Variants in NTRK3 observed in about 807,000 individuals in gnomAD.
The protein encoded by NTRK3 is NT-3 growth factor receptor.
NTRK3 carries 24 observed loss-of-function variants against 91.7 expected under a neutral mutation model. That is an observed-to-expected ratio of 0.26 (90% confidence interval 0.19 to 0.37). The LOEUF (loss-of-function observed/expected upper bound fraction) is 0.37, where lower values mean the gene tolerates loss of function less well. Ranked by LOEUF, NTRK3 falls within the 10% of genes least tolerant of loss-of-function variation. NTRK3 has a pLI of 1.00. For missense variants in NTRK3, 880 were observed against 1,068.9 expected (o/e 0.82, Z 2.46); for synonymous variants, 483 against 404.0 (o/e 1.20, Z -2.34).
chr15:88,238,112 C>T (rs576566078), intron 3 of NTRK3, among the ~76,000 whole-genome samples: 13 of 152,086 alleles, frequency 8.5e-5, no homozygotes, highest in African/African-American at 2.9e-4. Context: ...AGAAGGCGAC[C>T]GTCTGCAAGC....
chr15:87,862,252 C>A (rs1596025629), exon 19 of NTRK3: 1 of 223,746 alleles, frequency 4.5e-6, no homozygotes, highest in East Asian at 6.5e-5. Flanking sequence ...ACATCTTAGA[C>A]CCACTCCCAA....
intron 13 of NTRK3, among the ~76,000 whole-genome samples, chr15:88,081,687 G>A (rs62022271): frequency 0.016 from 2,433 of 152,270 alleles, 40 homozygotes; most frequent in Middle Eastern, 0.041. Context: ...TCAAAATGGC[G>A]CAGAGAGGGG....
At chr15:87,965,232 T>C (rs1177330904) in intron 14 of NTRK3, among the ~76,000 whole-genome samples, 1 of 152,274 alleles carries the variant, frequency 6.6e-6, no homozygotes, top group Non-Finnish European at 1.5e-5. Context: ...TGTGCTTTTC[T>C]GTATTTCACT....
chr15:88,236,437 C>T (rs544522509), intron 3 of NTRK3, among the ~76,000 whole-genome samples: 66 of 143,456 alleles, frequency 4.6e-4, no homozygotes, highest in African/African-American at 1.3e-3. Flanking sequence ...CTTTGGGAGA[C>T]TGAGTCAGGA....
At chr15:88,125,481 A>T (rs1198455120) in intron 13 of NTRK3, among the ~76,000 whole-genome samples, 2 of 76,378 alleles carry the variant, frequency 2.6e-5, no homozygotes, top group East Asian at 4.3e-4. Flanking sequence ...CTCCCTACCC[A>T]CCCCCACCCA....
intron 14 of NTRK3, chr15:87,978,318 C>T (rs755945313): frequency 4.3e-6 from 1 of 230,252 alleles, no homozygotes; most frequent in Non-Finnish European, 8.6e-6. Flanking sequence ...AGGACACTTC[C>T]ATTGGTGCCA....
intron 13 of NTRK3, among the ~76,000 whole-genome samples, chr15:88,098,373 C>A (rs2049836169): frequency 1.3e-5 from 2 of 152,228 alleles, no homozygotes; most frequent in African/African-American, 4.8e-5. Flanking sequence ...CTGGACTACG[C>A]ATGCCATCAG....
chr15:88,192,238 C>G (rs183037090), intron 3 of NTRK3, among the ~76,000 whole-genome samples: 1 of 152,220 alleles, frequency 6.6e-6, no homozygotes, highest in Non-Finnish European at 1.5e-5. Context: ...CACATCTTCA[C>G]TGCTACCCCA....
chr15:88,161,750 G>C (rs1292049841), intron 5 of NTRK3, among the ~76,000 whole-genome samples: 1 of 152,140 alleles, frequency 6.6e-6, no homozygotes, highest in Admixed American at 6.5e-5. Context: ...GAGCATCCTA[G>C]AGCCCCTCTC....
At chr15:88,062,447 G>A (rs1006198900) in intron 13 of NTRK3, among the ~76,000 whole-genome samples, 7 of 152,128 alleles carry the variant, frequency 4.6e-5, no homozygotes, top group Non-Finnish European at 7.4e-5. Flanking sequence ...AGAAGTCTTG[G>A]CTAGTAATTC....
intron 5 of NTRK3, among the ~76,000 whole-genome samples, chr15:88,170,662 C>T (rs150689614): frequency 1.1e-4 from 17 of 152,286 alleles, no homozygotes; most frequent in Middle Eastern, 3.4e-3. Flanking sequence ...ATGTTGACCA[C>T]GACCAGGGCA....
chr15:88,172,834 G>A (rs898739452), intron 5 of NTRK3, among the ~76,000 whole-genome samples: 9 of 152,132 alleles, frequency 5.9e-5, no homozygotes, highest in African/African-American at 2.2e-4. Context: ...ACAGACACAA[G>A]CAGACAAGAA....
intron 13 of NTRK3, among the ~76,000 whole-genome samples, chr15:88,114,285 C>CA (rs1443594194): frequency 6.6e-6 from 1 of 152,008 alleles, no homozygotes; most frequent in African/African-American, 2.4e-5. Context: ...CAGAAGACAT[C>CA]AAAAAAGATG....
intron 3 of NTRK3, among the ~76,000 whole-genome samples, chr15:88,186,371 C>T (rs187811177): frequency 6.4e-4 from 98 of 152,330 alleles, no homozygotes; most frequent in Admixed American, 1.3e-3. Context: ...TGCCCACAAA[C>T]GGACCCTTCC....
Position 87,991,356 on chromosome 15 carries a change from A to G in NTRK3, c.1585+41501T>C, listed in dbSNP as rs1006887937. On this transcript the variant is annotated intron_variant, in intron 14 of 18. Coordinates refer to ENST00000394480, the Ensembl canonical transcript of NTRK3. ...CTACCGGATTGGGATCTGCATTTTA[A>G]CAGAATCCTCAGATGATTTCTATGC... 2.0e-5 allele frequency among the ~76,000 whole-genome samples: 3 copies of G among 152,184 alleles called. 1 individual carries two copies. The South Asian group carries it at 6.2e-4, about 31-fold the overall frequency.
chr15:87,886,848 G>A (rs2065585816), intron 17 of NTRK3, among the ~76,000 whole-genome samples: 1 of 148,440 alleles, frequency 6.7e-6, no homozygotes. Flanking sequence ...GCGAATATAA[G>A]GAAACCAGTG....
intron 3 of NTRK3, among the ~76,000 whole-genome samples, chr15:88,249,310 G>A (rs2053137025): frequency 6.6e-5 from 10 of 152,224 alleles, no homozygotes; most frequent in Admixed American, 6.5e-4. Context: ...GCTGCAAGCT[G>A]CAAAGAGCTC....
chr15:88,037,766 G>A (rs752697277), intron 13 of NTRK3, among the ~76,000 whole-genome samples: 1 of 152,220 alleles, frequency 6.6e-6, no homozygotes. Flanking sequence ...GAGAAATGCT[G>A]ATGATTGTAA....
At chr15:88,225,645 G>A (rs1178886391) in intron 3 of NTRK3, among the ~76,000 whole-genome samples, 2 of 152,160 alleles carry the variant, frequency 1.3e-5, no homozygotes, top group African/African-American at 4.8e-5. Flanking sequence ...GATTCACAAA[G>A]CAGGGTCACA....
Sources: gnomAD v4.1 joint callset for allele counts (sites outside exome capture counted in the v4.1 genomes callset) on GRCh38, gnomAD v4.1.1 for gene constraint, MANE v1.5 for transcripts, NCBI Gene and HGNC (gene_info 2026-07-23, HGNC 2026-07-21) for gene names.